The following LUC7L2 variants were observed in gnomAD, a reference collection of about 807,000 sequenced individuals.
LUC7L2 encodes the protein LUC7 like 2, pre-mRNA splicing factor.
A neutral mutation model predicts 52.8 loss-of-function variants in LUC7L2; 25 were observed. The ratio of observed to expected loss-of-function variants is 0.47; its 90% CI spans 0.34 to 0.66. LUC7L2 has a LOEUF of 0.66. LUC7L2 is among the 30% of genes least tolerant of loss of function. LUC7L2 has a pLI of 0.01. For synonymous variants in LUC7L2, 144 were observed against 160.9 expected (o/e 0.89, Z 0.80); for missense variants, 328 against 497.8 (o/e 0.66, Z 3.25).
intron 3 of LUC7L2, 39 bp from the exon 4 acceptor site, chr7:139,402,098 G>T: frequency 1.3e-6 from 2 of 1,535,864 alleles, no homozygotes; most frequent in South Asian, 1.3e-5. Context: ...GAATAAAATT[G>T]ACTTTCTGAC....
intron 9 of LUC7L2, among the ~76,000 whole-genome samples, chr7:139,419,147 A>G (rs10230407): frequency 0.38 from 57,823 of 151,404 alleles, 15,437 homozygotes; most frequent in African/African-American, 0.76. Flanking sequence ...AAAAACAAAA[A>G]GTCTCCTATG....
At chr7:139,381,108 C>T (rs1800989689) in intron 2 of LUC7L2, among the ~76,000 whole-genome samples, 1 of 151,806 alleles carries the variant, frequency 6.6e-6, no homozygotes, top group Admixed American at 6.6e-5. Context: ...TTTTACAGTT[C>T]AGAAAAACTA....
At chr7:139,341,555 CT>C (rs776807965) in intron 1 of LUC7L2, 1 of 1,600,288 alleles carries the variant, frequency 6.2e-7, no homozygotes, top group Non-Finnish European at 8.5e-7. Context: ...GCTCTACGTG[CT>C]GGGGAGGGAG....
At chr7:139,348,543 AC>A (rs1799344635) in intron 1 of LUC7L2, among the ~76,000 whole-genome samples, 1 of 151,512 alleles carries the variant, frequency 6.6e-6, no homozygotes, top group South Asian at 2.1e-4. Context: ...ACATGGTGAA[AC>A]CCCGTCTCTA....
intron 8 of LUC7L2, 182 bp downstream of exon 8, chr7:139,412,762 T>G: frequency 1.8e-6 from 1 of 544,502 alleles, no homozygotes; most frequent in Non-Finnish European, 2.9e-6. Flanking sequence ...GAGGCAGAGG[T>G]TGCAGTGAGC....
chr7:139,412,663 TTA>T, intron 8 of LUC7L2, 83 bp downstream of exon 8: 1 of 1,506,240 alleles, frequency 6.6e-7, no homozygotes, highest in Non-Finnish European at 8.9e-7. Flanking sequence ...AAATGGTCCT[TTA>T]AAAATTTTCT....
intron 9 of LUC7L2, among the ~76,000 whole-genome samples, chr7:139,421,871 A>C (rs958785697): frequency 6.6e-6 from 1 of 152,174 alleles, no homozygotes; most frequent in African/African-American, 2.4e-5. Flanking sequence ...TTTATATTAA[A>C]ATACCTTTTA....
At chr7:139,345,402 A>C in intron 1 of LUC7L2, 1 of 1,513,474 alleles carries the variant, frequency 6.6e-7, no homozygotes, top group Non-Finnish European at 8.9e-7. Context: ...TCCTCTGTGC[A>C]ATTTACTTTC....
chr7:139,340,843 T>C (rs1256703861), intron 1 of LUC7L2, among the ~76,000 whole-genome samples: 1 of 152,008 alleles, frequency 6.6e-6, no homozygotes. Flanking sequence ...TTTTTTTTTT[T>C]TAAATGGGAA....
chr7:139,343,670 C>G (rs1222813987), intron 1 of LUC7L2, among the ~76,000 whole-genome samples: 1 of 152,148 alleles, frequency 6.6e-6, no homozygotes, highest in Non-Finnish European at 1.5e-5. Context: ...AGCGGTGGCT[C>G]ACACCTGTAA....
chr7:139,408,718 T>A (rs1198045289), intron 6 of LUC7L2, among the ~76,000 whole-genome samples: 4 of 152,048 alleles, frequency 2.6e-5, no homozygotes, highest in Non-Finnish European at 4.4e-5. Flanking sequence ...GGCATGTGCC[T>A]GTAGTCCCAG....
At chr7:139,389,222 T>C (rs1055611453) in intron 2 of LUC7L2, among the ~76,000 whole-genome samples, 3 of 152,108 alleles carry the variant, frequency 2.0e-5, no homozygotes, top group African/African-American at 4.8e-5. Context: ...TTCTGAAACA[T>C]GGATTTTATT....
chr7:139,380,876 G>A (rs2355786), intron 2 of LUC7L2, among the ~76,000 whole-genome samples: 1 of 151,844 alleles, frequency 6.6e-6, no homozygotes, highest in African/African-American at 2.4e-5. Flanking sequence ...CCTAGTGATC[G>A]GGAAAAAAGA....
chr7:139,409,493 T>C (rs1034105692), intron 6 of LUC7L2, 70 bp from the exon 7 acceptor site: 2 of 1,509,480 alleles, frequency 1.3e-6, no homozygotes, highest in East Asian at 5.0e-5. Context: ...CCAGATAATA[T>C]AAAGTTTAGG....
chr7:139,348,015 G>A (rs773588754), intron 1 of LUC7L2, among the ~76,000 whole-genome samples: 29 of 151,914 alleles, frequency 1.9e-4, no homozygotes, highest in Non-Finnish European at 2.9e-4. Context: ...ATGTTTATTT[G>A]TTCTCTGTTT....
At chr7:139,363,281 A>G (rs1799975168) in intron 1 of LUC7L2, 1 of 976,828 alleles carries the variant, frequency 1.0e-6, no homozygotes, top group Admixed American at 6.2e-5. Flanking sequence ...CATTGGTCAC[A>G]CTATATAAAG....
upstream of LUC7L2, chr7:139,359,359 TC>T (rs1455781102): frequency 6.4e-6 from 1 of 156,642 alleles, no homozygotes; most frequent in East Asian, 1.9e-4. Flanking sequence ...AGTTGACACT[TC>T]CCAGCCGAGG....
At chr7:139,372,159 A>C (rs901481250) in intron 1 of LUC7L2, among the ~76,000 whole-genome samples, 1 of 152,256 alleles carries the variant, frequency 6.6e-6, no homozygotes, top group Non-Finnish European at 1.5e-5. Flanking sequence ...GTTATAGGAC[A>C]GAGAGATCTC....
At chr7:139,379,613 C>G (rs1054848628) in intron 2 of LUC7L2, among the ~76,000 whole-genome samples, 5 of 113,984 alleles carry the variant, frequency 4.4e-5, no homozygotes, top group Non-Finnish European at 8.1e-5. Flanking sequence ...TCTGTTGGCC[C>G]GGGTGGAGTG....
Sources: gnomAD v4.1 joint callset for allele counts (sites outside exome capture counted in the v4.1 genomes callset) on GRCh38, gnomAD v4.1.1 for gene constraint, MANE v1.5 for transcripts, NCBI Gene and HGNC (gene_info 2026-07-23, HGNC 2026-07-21) for gene names.